The following HERC5 variants were observed in gnomAD, a reference collection of about 807,000 sequenced individuals.
The protein encoded by HERC5 is E3 ISG15--protein ligase HERC5.
Under a neutral mutation model 119.6 loss-of-function variants are expected in HERC5, and 99 were observed. The ratio of observed to expected loss-of-function variants is 0.83; its 90% CI spans 0.70 to 0.98. The LOEUF is 0.98. Among genes scored for constraint, HERC5 ranks in the 50% least tolerant of loss-of-function variants. The pLI, the probability that HERC5 is intolerant of heterozygous loss-of-function variation, is 0.00. For missense variants in HERC5, 1,267 were observed against 1,241.3 expected (o/e 1.02, Z -0.31); for synonymous variants, 478 against 445.9 (o/e 1.07, Z -0.91).
chr4:88,476,314 G>T (rs1394101171), intron 12 of HERC5, among the ~76,000 whole-genome samples: 5 of 152,058 alleles, frequency 3.3e-5, no homozygotes, highest in Admixed American at 6.6e-5. Context: ...GAATAGTATG[G>T]TATACCATAT....
intron 11 of HERC5, 56 bp from the exon 12 acceptor site, chr4:88,475,785 G>A (rs1307397528): frequency 1.4e-6 from 2 of 1,415,912 alleles, no homozygotes; most frequent in African/African-American, 1.4e-5. Context: ...ACCATCAGTT[G>A]CACCCTGCTT....
intron 13 of HERC5, among the ~76,000 whole-genome samples, chr4:88,483,551 CAG>C (rs1330117776): frequency 3.5e-5 from 4 of 115,696 alleles, no homozygotes; most frequent in East Asian, 5.6e-4. Flanking sequence ...TTTCCTGAGA[CAG>C]AGTCTCATCC....
At position 88,457,190 on chromosome 4, in the gene HERC5, C is replaced by T; in HGVS notation, c.-80C>T. The stretch of plus-strand genomic sequence containing the variant: ...TGGTTCCCGCTCTGCAGCGCAACGC[C>T]TGAGGCAGTGGGCGCGCTCAGTCCC... On this transcript the variant is annotated 5_prime_UTR_variant, in exon 1 of 23. Transcript: ENST00000264350. 8.1e-7 allele frequency: 1 copy of T among 1,242,126 alleles called. No homozygotes were observed. Among genetic ancestry groups the T allele is most frequent in the Non-Finnish European group, 1.0e-6 (1 of 992,004 alleles). The allele number at this position is 1,242,126 out of a possible 1,614,324, so 76.9% of individuals were successfully genotyped here.
Position 88,470,621 on chromosome 4 carries a change from C to T in HERC5, c.1246C>T (p.Gln416Ter). 1 of 1,508,362 alleles carries T rather than the reference C, an allele frequency of 6.6e-7. No homozygotes were observed. Among genetic ancestry groups the T allele is most frequent in the Non-Finnish European group, 9.2e-7 (1 of 1,089,976 alleles). The allele number at this position is 1,508,362 out of a possible 1,614,324, so 93.4% of individuals were successfully genotyped here. A position where few individuals can be genotyped will look rare whatever the true frequency, so the allele number is the denominator to read the frequency against. The change falls in exon 10 of 23, where the codon CAA becomes TAA. Residue 416 changes from glutamine (Q) to a stop codon, truncating the protein, a stop_gained. Transcript: ENST00000264350. LOFTEE classifies it high-confidence loss of function. ...GTCTTATTACTAATATAGGGAAATCCAAGAGATATTTTCATCTCCTGCTTG... is the reference window on the plus strand; with the variant it reads ...GTCTTATTACTAATATAGGGAAATCTAAGAGATATTTTCATCTCCTGCTTG... ...KRWQSTKREI[Q>*]EIFSSPACLT...
intron 3 of HERC5, among the ~76,000 whole-genome samples, chr4:88,460,406 A>G (rs1340044291): frequency 1.3e-5 from 2 of 152,250 alleles, no homozygotes; most frequent in East Asian, 1.9e-4. Flanking sequence ...TTATTTTTCA[A>G]GTACGAAACA....
chr4:88,498,771 A>T (rs1456230738), intron 18 of HERC5, among the ~76,000 whole-genome samples: 1 of 152,144 alleles, frequency 6.6e-6, no homozygotes, highest in Non-Finnish European at 1.5e-5. Flanking sequence ...AGGTTTTGTC[A>T]TGTTGGCCAG....
At chr4:88,481,129 T>C (rs1233635388) in intron 13 of HERC5, among the ~76,000 whole-genome samples, 1 of 152,210 alleles carries the variant, frequency 6.6e-6, no homozygotes, top group Non-Finnish European at 1.5e-5. Flanking sequence ...CTCGGCTCAC[T>C]GCAACCTCTG....
intron 16 of HERC5, among the ~76,000 whole-genome samples, chr4:88,491,861 A>G (rs959714645): frequency 6.6e-6 from 1 of 152,054 alleles, no homozygotes; most frequent in South Asian, 2.1e-4. Flanking sequence ...GGGGTGACTG[A>G]AGGAGCAAAG....
intron 19 of HERC5, among the ~76,000 whole-genome samples, chr4:88,500,504 A>G (rs115746924): frequency 0.024 from 3,580 of 152,328 alleles, 146 homozygotes; most frequent in African/African-American, 0.082. Flanking sequence ...TCACATGGCC[A>G]TGCCGAGATT....
At chr4:88,457,726 G>A (rs1334376652) in intron 1 of HERC5, among the ~76,000 whole-genome samples, 192 bp downstream of exon 1, 1 of 152,236 alleles carries the variant, frequency 6.6e-6, no homozygotes, top group Non-Finnish European at 1.5e-5. Flanking sequence ...TCAGGCGCGG[G>A]GTGAGCGGGA....
At chr4:88,474,942 A>C (rs543813043) in intron 11 of HERC5, among the ~76,000 whole-genome samples, 4 of 152,212 alleles carry the variant, frequency 2.6e-5, no homozygotes, top group African/African-American at 9.7e-5. Flanking sequence ...CTAAGCACAC[A>C]TAACAAAAAT....
Position 88,480,444 on chromosome 4 carries a change from G to GTT in HERC5, c.1737+948_1737+949dup, listed in dbSNP as rs563743483. On this transcript the variant is annotated intron_variant, in intron 13 of 22. Coordinates refer to ENST00000264350, the MANE Select transcript of HERC5 (RefSeq NM_016323.4). ...TATGCTGTTTGCAATTCTTGTGTGT[G>GTT]TTTTTTTTTTTTGTCTTGTTGGGAG... Among the ~76,000 whole-genome samples, 143 of 142,190 alleles carry GTT rather than the reference G, an allele frequency of 1.0e-3. 1 individual carries two copies. The East Asian group carries it at 0.015, about 15-fold the overall frequency. The allele number at this position is 142,190 out of a possible 152,430, so 93.3% of individuals were successfully genotyped here.
chr4:88,494,344 A>C lies in HERC5; in HGVS notation c.2444+13A>C, dbSNP rs762948463. ...CTGATTTGGGAAAGTAAGTAAACAG[A>C]GTTCCTGAGAAAGGACCCTTTCTAA... is the stretch of plus-strand genomic sequence containing the variant. On this transcript the variant is annotated intron_variant, in intron 18 of 22. Coordinates refer to ENST00000264350, the MANE Select transcript of HERC5 (RefSeq NM_016323.4). 6.2e-7 allele frequency: 1 copy of C among 1,607,804 alleles called. No homozygotes were observed. Among genetic ancestry groups the C allele is most frequent in the Admixed American group, 1.7e-5 (1 of 59,252 alleles).
At position 88,503,561 on chromosome 4, in the gene HERC5, G is replaced by T. The variant is rs569176275; in HGVS notation, c.2583-671G>T. Among the ~76,000 whole-genome samples, 6 of 152,152 alleles carry T rather than the reference G, an allele frequency of 3.9e-5. No homozygotes were observed. The East Asian group carries it at 5.8e-4, about 15-fold the overall frequency. Reference sequence around the variant, plus strand: ...ATTACTAAGCACATAACAGATTTTTGAATTGTTTTACCTTCCTGGTATATG... The same window carrying T: ...ATTACTAAGCACATAACAGATTTTTTAATTGTTTTACCTTCCTGGTATATG... On this transcript the variant is annotated intron_variant, in intron 20 of 22. Transcript: ENST00000264350.
At chr4:88,498,169 C>T (rs1399209086) in intron 18 of HERC5, among the ~76,000 whole-genome samples, 1 of 152,144 alleles carries the variant, frequency 6.6e-6, no homozygotes, top group Admixed American at 6.5e-5. Flanking sequence ...AGAACTGGCA[C>T]AGGGTTGAGG....
Position 88,469,204 on chromosome 4 carries a change from G to T in HERC5, c.1182G>T (p.Gly394=). Residue 394 remains glycine, a synonymous_variant, in exon 9 of 23, where the codon GGG becomes GGT. Transcript: ENST00000264350. Reference sequence around the variant, plus strand: ...GGACAATTCCTACTCTGAATGAAGGGACTGTAAAGAGATGGATTGCTGATG... The same window carrying T: ...GGACAATTCCTACTCTGAATGAAGGTACTGTAAAGAGATGGATTGCTGATG... ...LKRTIPTLNE[G]TVKRWIADVE... 6.2e-7 allele frequency: 1 copy of T among 1,613,552 alleles called. No homozygotes were observed. The highest frequency in any genetic ancestry group is 8.5e-7 in the Non-Finnish European group (1 of 1,179,528).
At chr4:88,488,126 A>G (rs139854497) in intron 15 of HERC5, among the ~76,000 whole-genome samples, 279 of 152,244 alleles carry the variant, frequency 1.8e-3, no homozygotes, top group Non-Finnish European at 3.2e-3. Flanking sequence ...TTTTGCTTCA[A>G]CTCTTATAAC....
At chr4:88,487,907 C>G (rs1178033986) in intron 15 of HERC5, among the ~76,000 whole-genome samples, 2 of 151,990 alleles carry the variant, frequency 1.3e-5, no homozygotes, top group African/African-American at 2.4e-5. Context: ...CACAAAGCAC[C>G]CAAAGGGTTG....
chr4:88,464,093 A>C, intron 6 of HERC5, 108 bp downstream of exon 6: 1 of 841,568 alleles, frequency 1.2e-6, no homozygotes, highest in Non-Finnish European at 1.7e-6. Context: ...ACATTTTCAA[A>C]TCAGTGAAAA....
Sources: allele counts gnomAD v4.1 joint callset (sites outside exome capture counted in the v4.1 genomes callset), GRCh38; gene constraint gnomAD v4.1.1; transcripts MANE v1.5; gene names NCBI Gene and HGNC (gene_info 2026-07-23, HGNC 2026-07-21).